Variants in ZFAND3 observed in about 807,000 individuals in gnomAD.
ZFAND3 encodes the protein zinc finger AN1-type containing 3, also known as AN1-type zinc finger protein 3.
ZFAND3 carries 10 observed loss-of-function variants against 29.6 expected under a neutral mutation model. The ratio of observed to expected loss-of-function variants is 0.34; its 90% confidence interval spans 0.21 to 0.57. The LOEUF (loss-of-function observed/expected upper bound fraction) is 0.57. ZFAND3 is among the 20% of genes least tolerant of loss of function. The probability of loss-of-function intolerance (pLI) is 0.86; values close to 1 mark genes in which losing one functional copy is unlikely to be tolerated. For synonymous variants in ZFAND3, 128 were observed against 112.6 expected, an observed-to-expected ratio of 1.14 and a Z score of -0.87; for missense variants, 230 against 304.5, an observed-to-expected ratio of 0.76 and a Z score of 1.82.
chr6:37,869,694 T>C (rs977672743), intron 1 of ZFAND3, among the ~76,000 whole-genome samples: 15 of 150,000 alleles, frequency 1.0e-4, no homozygotes, highest in Non-Finnish European at 1.6e-4. Flanking sequence ...TTTTTTTTTG[T>C]AGAGTTGGGG....
At chr6:37,926,637 A>G (rs978786498) in intron 1 of ZFAND3, among the ~76,000 whole-genome samples, 4 of 152,216 alleles carry the variant, frequency 2.6e-5, no homozygotes, top group Non-Finnish European at 5.9e-5. Context: ...TAACTTCGGG[A>G]TTAAGACTTG....
chr6:38,119,678 C>T (rs1238165721), intron 5 of ZFAND3, among the ~76,000 whole-genome samples: 2 of 152,182 alleles, frequency 1.3e-5, no homozygotes, highest in Admixed American at 6.5e-5. Context: ...GGAAGAGTGG[C>T]CAAGCTCCCC....
At chr6:38,149,975 G>A (rs1444315238) in intron 5 of ZFAND3, among the ~76,000 whole-genome samples, 1 of 152,124 alleles carries the variant, frequency 6.6e-6, no homozygotes, top group African/African-American at 2.4e-5. Flanking sequence ...TGACAAAAAT[G>A]TCTATAGACA....
chr6:37,821,932 C>G (rs563816760), intron 1 of ZFAND3, among the ~76,000 whole-genome samples: 1 of 152,318 alleles, frequency 6.6e-6, no homozygotes, highest in African/African-American at 2.4e-5. Context: ...CTCCCGGGTT[C>G]AAGCAGTTCT....
At chr6:38,126,448 T>C (rs1346825511) in intron 5 of ZFAND3, among the ~76,000 whole-genome samples, 1 of 152,238 alleles carries the variant, frequency 6.6e-6, no homozygotes, top group Non-Finnish European at 1.5e-5. Context: ...GGTAAGTGTG[T>C]CCTTAACATT....
intron 2 of ZFAND3, among the ~76,000 whole-genome samples, chr6:37,992,923 C>T (rs1581820792): frequency 6.6e-6 from 1 of 152,218 alleles, no homozygotes; most frequent in East Asian, 1.9e-4. Context: ...TTGGTTTCCT[C>T]ACAATTCACT....
At chr6:37,988,272 C>T (rs1762703108) in intron 2 of ZFAND3, among the ~76,000 whole-genome samples, 1 of 152,166 alleles carries the variant, frequency 6.6e-6, no homozygotes, top group Non-Finnish European at 1.5e-5. Context: ...CTTTCTGTAT[C>T]ACTGCATATG....
intron 4 of ZFAND3, among the ~76,000 whole-genome samples, chr6:38,091,691 CTTTT>C (rs34406765): frequency 6.2e-5 from 8 of 129,838 alleles, no homozygotes; most frequent in Non-Finnish European, 8.0e-5. Flanking sequence ...ATTAAGGAGC[CTTTT>C]TTTTTTTTTT....
chr6:38,017,775 C>G (rs1052854970), intron 2 of ZFAND3, among the ~76,000 whole-genome samples: 2 of 151,778 alleles, frequency 1.3e-5, no homozygotes, highest in Admixed American at 1.3e-4. Context: ...GTTTACCTTC[C>G]TAGGCAATGA....
At chr6:37,957,463 A>G (rs936924126) in intron 2 of ZFAND3, among the ~76,000 whole-genome samples, 3 of 152,072 alleles carry the variant, frequency 2.0e-5, no homozygotes, top group Non-Finnish European at 4.4e-5. Context: ...ATCAAAATAA[A>G]TTAGTGAGGC....
At chr6:37,842,664 A>G (rs1015656576) in intron 1 of ZFAND3, among the ~76,000 whole-genome samples, 7 of 152,184 alleles carry the variant, frequency 4.6e-5, no homozygotes, top group African/African-American at 1.4e-4. Context: ...AAAGGACTAG[A>G]ATAGATTGGA....
At chr6:37,866,905 C>T (rs1034714871) in intron 1 of ZFAND3, among the ~76,000 whole-genome samples, 3 of 152,182 alleles carry the variant, frequency 2.0e-5, no homozygotes, top group Non-Finnish European at 2.9e-5. Context: ...TGTCATGAAA[C>T]ATACGGACTG....
At chr6:37,871,081 C>T (rs752241227) in intron 1 of ZFAND3, among the ~76,000 whole-genome samples, 4 of 152,190 alleles carry the variant, frequency 2.6e-5, no homozygotes, top group African/African-American at 9.6e-5. Flanking sequence ...GCCCCATTCT[C>T]TCTTAGTTCT....
chr6:37,970,600 T>A (rs1302677566), intron 2 of ZFAND3, among the ~76,000 whole-genome samples: 2 of 152,074 alleles, frequency 1.3e-5, no homozygotes, highest in African/African-American at 2.4e-5. Flanking sequence ...CCCGTGATTT[T>A]AAAAAACACT....
intron 2 of ZFAND3, among the ~76,000 whole-genome samples, chr6:37,930,494 A>C (rs558294437): frequency 1.6e-4 from 24 of 152,280 alleles, no homozygotes; most frequent in African/African-American, 4.8e-4. Flanking sequence ...CAGGAGTTTG[A>C]GACCAGCCTG....
chr6:38,140,103 G>A (rs1482191497), intron 5 of ZFAND3, among the ~76,000 whole-genome samples: 2 of 152,202 alleles, frequency 1.3e-5, no homozygotes, highest in East Asian at 3.8e-4. Context: ...AGAAGAAGCA[G>A]ATTTGTGAGG....
chr6:38,019,943 C>T (rs1763318445), intron 2 of ZFAND3, among the ~76,000 whole-genome samples: 1 of 152,196 alleles, frequency 6.6e-6, no homozygotes, highest in Non-Finnish European at 1.5e-5. Context: ...TGGTCTCAAA[C>T]TCCTGGCCTC....
At chr6:38,059,691 A>C (rs1764197569) in intron 2 of ZFAND3, among the ~76,000 whole-genome samples, 1 of 152,170 alleles carries the variant, frequency 6.6e-6, no homozygotes, top group South Asian at 2.1e-4. Context: ...CAGCCTGGCC[A>C]ACATGATGAA....
chr6:37,904,075 A>T (rs143745386), intron 1 of ZFAND3, among the ~76,000 whole-genome samples: 3 of 152,330 alleles, frequency 2.0e-5, no homozygotes, highest in Non-Finnish European at 4.4e-5. Context: ...TTTATAATGG[A>T]AATGCTGACA....
Sources: gnomAD v4.1 joint callset for allele counts (sites outside exome capture counted in the v4.1 genomes callset) on GRCh38, gnomAD v4.1.1 for gene constraint, MANE v1.5 for transcripts, NCBI Gene and HGNC (gene_info 2026-07-23, HGNC 2026-07-21) for gene names.